The following BRSK2 variants were observed in gnomAD, a reference collection of about 807,000 sequenced individuals.
BRSK2 encodes the protein serine/threonine-protein kinase BRSK2.
Under a neutral mutation model 83.3 loss-of-function variants are expected in BRSK2, and 19 were observed. The ratio of observed to expected loss-of-function variants is 0.23; its 90% confidence interval spans 0.16 to 0.33. The LOEUF is 0.33. BRSK2 is among the 10% of genes least tolerant of loss of function. BRSK2 has a pLI of 1.00. For missense variants in BRSK2, 798 were observed against 1,042.3 expected (o/e 0.77, Z 3.23); for synonymous variants, 519 against 435.4 (o/e 1.19, Z -2.39).
At chr11:1,404,698 C>T (rs567535074) in intron 1 of BRSK2, among the ~76,000 whole-genome samples, 105 of 152,310 alleles carry the variant, frequency 6.9e-4, no homozygotes, top group African/African-American at 2.5e-3. Context: ...AGGGTAGGAG[C>T]AACGGGCGTG....
Position 1,456,371 on chromosome 11 carries a change from C to T in BRSK2, c.1692C>T (p.Val564=). 1.9e-6 allele frequency: 3 copies of T among 1,581,896 alleles called. No homozygotes were observed. The highest frequency in any genetic ancestry group is 2.6e-6 in the Non-Finnish European group (3 of 1,164,786). ...FLSIPSLSHS[V]ISQTSFRAEY... ...AGATTCCCAGTCTCAGCCACAGCGT[C>T]ATCTCCCAAACGAGCTTCCGGGCCG... is the stretch of plus-strand genomic sequence containing the variant. Residue 564 remains valine (V), a synonymous_variant, in exon 17 of 20, where the codon GTC becomes GTT. Coordinates refer to ENST00000528841, the MANE Select transcript of BRSK2 (RefSeq NM_001256627.2).
intron 3 of BRSK2, among the ~76,000 whole-genome samples, chr11:1,439,679 C>T (rs1850884201): frequency 6.6e-6 from 1 of 151,984 alleles, no homozygotes; most frequent in Admixed American, 6.5e-5. Flanking sequence ...ACCATGTGGC[C>T]TATGCTGAGC....
In BRSK2 at chr11:1,443,118, C is replaced by T. The variant is rs370920221; in HGVS notation, c.543C>T (p.Tyr181=). 4.7e-4 allele frequency: 728 copies of T among 1,535,850 alleles called. 5 individuals carry two copies. In the African/African-American group the frequency reaches 9.1e-3, roughly 19 times the overall value. The part of the protein sequence containing the change: ...LLETSCGSPH[Y]ACPEVIRGEK... ...CCCTTGCCCGCAGGTCCCCCCACTA[C>T]GCCTGCCCCGAGGTGATCCGGGTGA... Residue 181 remains tyrosine, a synonymous_variant, in exon 6 of 20, where the codon TAC becomes TAT. Transcript: ENST00000528841.
At position 1,445,783 on chromosome 11, in the gene BRSK2, C is replaced by A; in HGVS notation, c.1102C>A (p.Pro368Thr). ...CCCTCCCCGGAAGCGTGTGGACTCC[C>A]CGATGCTGAACCGGCACGGCAAGCG... ...IDPPRKRVDS[P>T]MLNRHGKRRP... The change falls in exon 12 of 20, where the codon CCG (proline) becomes ACG (threonine). Residue 368 changes from proline (P) to threonine (T), a missense_variant. By Grantham distance (38) the Pro-to-Thr change is conservative (BLOSUM62 -1). This residue lies in a region of BRSK2 where 145 missense variants were observed against 225.4 expected (regional missense o/e 0.64). Transcript: ENST00000528841. 1 of 1,612,348 alleles carries A rather than the reference C, an allele frequency of 6.2e-7. No individual in the cohort carries two copies. Among genetic ancestry groups the A allele is most frequent in the Non-Finnish European group, 8.5e-7 (1 of 1,179,620 alleles).
At chr11:1,400,598 C>G (rs1388418563) in intron 1 of BRSK2, among the ~76,000 whole-genome samples, 1 of 152,222 alleles carries the variant, frequency 6.6e-6, no homozygotes, top group Non-Finnish European at 1.5e-5. Flanking sequence ...AATGCCCTGC[C>G]CGCCTGGGGA....
intron 9 of BRSK2, 56 bp downstream of exon 9, chr11:1,445,058 G>A (rs1851833891): frequency 5.0e-6 from 8 of 1,590,778 alleles, no homozygotes; most frequent in East Asian, 2.2e-5. Flanking sequence ...GTGGCCTGGA[G>A]GCCCTGCTAG....
At chr11:1,421,968 G>T (rs1472786471) in intron 1 of BRSK2, among the ~76,000 whole-genome samples, 4 of 151,762 alleles carry the variant, frequency 2.6e-5, no homozygotes, top group Admixed American at 6.6e-5. Flanking sequence ...GCAGGTGGGG[G>T]TGGGGTCGGG....
chr11:1,412,863 C>A (rs1412484902), intron 1 of BRSK2, among the ~76,000 whole-genome samples: 2 of 152,200 alleles, frequency 1.3e-5, no homozygotes, highest in African/African-American at 2.4e-5. Flanking sequence ...GCGTCCCAGG[C>A]CCGTCGGGTC....
At chr11:1,424,096 G>C (rs1848929647) in intron 1 of BRSK2, among the ~76,000 whole-genome samples, 1 of 152,196 alleles carries the variant, frequency 6.6e-6, no homozygotes, top group Non-Finnish European at 1.5e-5. Flanking sequence ...CCAGGCACTG[G>C]GACACACATC....
At chr11:1,399,063 C>T (rs1316048265) in intron 1 of BRSK2, among the ~76,000 whole-genome samples, 8 of 152,220 alleles carry the variant, frequency 5.3e-5, no homozygotes, top group Non-Finnish European at 7.3e-5. Context: ...GTCCCTTCCA[C>T]AGCACACGGG....
In BRSK2 at chr11:1,449,892, A is replaced by T; in HGVS notation, c.1287+56A>T. ...GATGCACAGAGGCCCCAACCCTCCC[A>T]GTCAGCGTGTGCCAGGGTGGGGGCA... On this transcript the variant is annotated intron_variant, in intron 13 of 19. Coordinates refer to ENST00000528841, the MANE Select transcript of BRSK2 (RefSeq NM_001256627.2). 2.2e-6 allele frequency: 3 copies of T among 1,343,612 alleles called. No homozygotes were observed. The South Asian group carries it at 3.7e-5, about 17-fold the overall frequency. 83.2% of individuals were successfully genotyped at this position (1,343,612 alleles called of 1,614,324 possible).
intron 1 of BRSK2, among the ~76,000 whole-genome samples, chr11:1,420,699 G>C (rs561691197): frequency 6.6e-6 from 1 of 152,144 alleles, no homozygotes; most frequent in Admixed American, 6.5e-5. Flanking sequence ...CTGTCCCCTC[G>C]GGATACACCT....
chr11:1,423,761 C>CA lies in BRSK2; in HGVS notation c.92-12278dup. On this transcript the variant is annotated intron_variant, in intron 1 of 19. Transcript: ENST00000528841. The surrounding 1 kb of genome is among the most constrained non-coding windows in gnomAD (Gnocchi z 6.5). ...CCCCCGCTGGGCGTTCCGGGTGCCCCAGGCCTCCCCCGCTGGGCGTTCCGG... is the reference window on the plus strand; with the variant it reads ...CCCCCGCTGGGCGTTCCGGGTGCCCCAAGGCCTCCCCCGCTGGGCGTTCCGG... Among the ~76,000 whole-genome samples the CA allele has an allele frequency of 6.8e-6, 1 of 146,676 alleles. No individual in the cohort carries two copies. The highest frequency in any genetic ancestry group is 2.5e-5 in the African/African-American group (1 of 39,824).
intron 1 of BRSK2, among the ~76,000 whole-genome samples, chr11:1,414,405 C>T (rs1276627593): frequency 4.6e-5 from 7 of 152,164 alleles, no homozygotes. Context: ...GAGTTGGCAT[C>T]ACTGGGATCC....
At position 1,436,035 on chromosome 11, in the gene BRSK2, C is replaced by T. The variant is rs371770653; in HGVS notation, c.92-5C>T. 43 of 1,601,866 alleles carry T rather than the reference C, an allele frequency of 2.7e-5. No homozygotes were observed. Among genetic ancestry groups the T allele is most frequent in the African/African-American group, 2.1e-4 (16 of 74,442 alleles). On this transcript the variant is annotated splice_polypyrimidine_tract_variant and splice_region_variant and intron_variant, in intron 1 of 19. Coordinates refer to ENST00000528841, the MANE Select transcript of BRSK2 (RefSeq NM_001256627.2). The stretch of plus-strand genomic sequence containing the variant: ...GGTCTGAGCGCGGCTGCTTCTCTCC[C>T]GCAGGTCTGGTGAAGCTGGGGGTTC...
At chr11:1,410,182 T>G (rs1847289826) in intron 1 of BRSK2, among the ~76,000 whole-genome samples, 1 of 83,938 alleles carries the variant, frequency 1.2e-5, no homozygotes, top group Admixed American at 1.3e-4. Context: ...GTTTGTGACG[T>G]CGGCCTCGCA....
intron 12 of BRSK2, among the ~76,000 whole-genome samples, chr11:1,448,935 GC>G (rs1360134056): frequency 6.6e-6 from 1 of 152,180 alleles, no homozygotes; most frequent in African/African-American, 2.4e-5. Flanking sequence ...CGGTGGGCAG[GC>G]CTGGTGGGTA....
rs1845687076 is a variant in BRSK2 at position 1,390,933 on chromosome 11, G to C, written c.91+558G>C. Among the ~76,000 whole-genome samples, 1 of 152,308 alleles carries C rather than the reference G, an allele frequency of 6.6e-6. No individual in the cohort carries two copies. The highest frequency in any genetic ancestry group is 2.4e-5 in the African/African-American group (1 of 41,576). ...ACAGCGCCTTGCGCTGCTCCGGCTC[G>C]GGCTCGGGCGGGCGGAGCGTCTGTG... On this transcript the variant is annotated intron_variant, in intron 1 of 19. Transcript: ENST00000528841. This position sits in a 1 kb window ranked among gnomAD's most constrained non-coding sequence, Gnocchi z 6.8.
intron 14 of BRSK2, 65 bp downstream of exon 14, chr11:1,450,859 C>A: frequency 1.4e-6 from 2 of 1,448,366 alleles, no homozygotes; most frequent in East Asian, 2.5e-5. Flanking sequence ...TTGGGGAGGG[C>A]CCCGCCCGGC....
Sources: allele counts gnomAD v4.1 joint callset (sites outside exome capture counted in the v4.1 genomes callset), GRCh38; gene constraint gnomAD v4.1.1; regional missense constraint gnomAD v4.1.1; non-coding constraint Gnocchi (gnomAD v3.1); transcripts MANE v1.5; gene names NCBI Gene and HGNC (gene_info 2026-07-23, HGNC 2026-07-21).